FBXL7: variants seen among roughly 807,000 people sequenced by gnomAD.
The protein encoded by FBXL7 is F-box and leucine rich repeat protein 7, also known as F-box/LRR-repeat protein 7.
FBXL7 carries 12 observed loss-of-function variants against 38.3 expected under a neutral mutation model. That is an observed-to-expected ratio of 0.31 (90% CI 0.20 to 0.51). FBXL7 has a LOEUF of 0.51. Among genes scored for constraint, FBXL7 ranks in the 20% least tolerant of loss-of-function variants. FBXL7 has a pLI of 0.98. For synonymous variants in FBXL7, 297 were observed against 300.9 expected (o/e 0.99, Z 0.13); for missense variants, 567 against 676.4 (o/e 0.84, Z 1.79).
Position 15,939,030 on chromosome 5 carries a change from G to C in FBXL7, c.*1844G>C. ...TCAAACTTAGACACCCTTGACAACT[G>C]CACTCCTACTGTAGGCTCCTGTGCA... On this transcript the variant is annotated 3_prime_UTR_variant, in exon 4 of 4. Coordinates refer to ENST00000504595, the MANE Select transcript of FBXL7 (RefSeq NM_012304.5). 1 of 399,038 alleles carries C rather than the reference G, an allele frequency of 2.5e-6. No homozygotes were observed. Among genetic ancestry groups the C allele is most frequent in the Non-Finnish European group, 4.4e-6 (1 of 226,066 alleles). The allele number at this position is 399,038 out of a possible 1,614,324, so 24.7% of individuals were successfully genotyped here. A position where few individuals can be genotyped will look rare whatever the true frequency, so the allele number is the denominator to read the frequency against.
At chr5:15,871,341 G>A (rs2126825326) in intron 2 of FBXL7, among the ~76,000 whole-genome samples, 1 of 152,240 alleles carries the variant, frequency 6.6e-6, no homozygotes, top group South Asian at 2.1e-4. Flanking sequence ...ACGAAGATGA[G>A]GAAAAACCAG....
chr5:15,822,107 C>A (rs1399481330), intron 2 of FBXL7, among the ~76,000 whole-genome samples: 1 of 151,384 alleles, frequency 6.6e-6, no homozygotes, highest in African/African-American at 2.4e-5. Context: ...AATCCCAGCA[C>A]TTTGGGAGGC....
At chr5:15,913,606 C>G (rs1741502371) in intron 2 of FBXL7, among the ~76,000 whole-genome samples, 2 of 152,088 alleles carry the variant, frequency 1.3e-5, no homozygotes, top group African/African-American at 4.8e-5. Context: ...ACTATGCCAT[C>G]TATTGTAAAG....
intron 2 of FBXL7, among the ~76,000 whole-genome samples, chr5:15,781,136 G>A (rs1331729739): frequency 3.3e-5 from 5 of 152,184 alleles, no homozygotes; most frequent in African/African-American, 1.2e-4. Flanking sequence ...CAGAGGACAT[G>A]AGGATGGATT....
intron 1 of FBXL7, among the ~76,000 whole-genome samples, chr5:15,612,290 C>T (rs1580405800): frequency 6.6e-6 from 1 of 152,086 alleles, no homozygotes; most frequent in South Asian, 2.1e-4. Context: ...GAAATACTGT[C>T]ATAGGGCATA....
intron 2 of FBXL7, among the ~76,000 whole-genome samples, chr5:15,826,384 T>C (rs1738309103): frequency 6.6e-6 from 1 of 152,144 alleles, no homozygotes. Flanking sequence ...ATTCCATCTT[T>C]TAAGTACAGA....
intron 1 of FBXL7, among the ~76,000 whole-genome samples, chr5:15,585,280 T>C (rs1739267984): frequency 6.6e-6 from 1 of 152,306 alleles, no homozygotes. Context: ...TTGTAATGCA[T>C]GGTTACTCAT....
chr5:15,715,365 C>T (rs1041297039), intron 2 of FBXL7, among the ~76,000 whole-genome samples: 3 of 151,900 alleles, frequency 2.0e-5, no homozygotes, highest in South Asian at 2.1e-4. Context: ...ATGGCACGTG[C>T]CTGTAATTCC....
At position 15,924,763 on chromosome 5, in the gene FBXL7, A is replaced by C. The variant is rs1171555075; in HGVS notation, c.128-3127A>C. The stretch of plus-strand genomic sequence containing the variant: ...TGCCTCACCCTCCTGAGTAGCTGGG[A>C]TCATAGAGGTGTGCCACCACACCTG... On this transcript the variant is annotated intron_variant, in intron 2 of 3. Coordinates refer to ENST00000504595, the MANE Select transcript of FBXL7 (RefSeq NM_012304.5). Among the ~76,000 whole-genome samples the C allele has an allele frequency of 2.0e-5, 3 of 150,960 alleles. No homozygotes were observed. The East Asian group carries it at 5.9e-4, about 30-fold the overall frequency.
At chr5:15,868,142 G>A (rs1739800251) in intron 2 of FBXL7, among the ~76,000 whole-genome samples, 1 of 151,856 alleles carries the variant, frequency 6.6e-6, no homozygotes, top group African/African-American at 2.4e-5. Flanking sequence ...AAGGGACCAT[G>A]GGCCAAGGAA....
chr5:15,898,558 T>C (rs1741159534), intron 2 of FBXL7, among the ~76,000 whole-genome samples: 1 of 152,242 alleles, frequency 6.6e-6, no homozygotes, highest in Non-Finnish European at 1.5e-5. Flanking sequence ...AGGAGATTTG[T>C]GCATTGATTC....
At chr5:15,786,288 A>C (rs1336899747) in intron 2 of FBXL7, among the ~76,000 whole-genome samples, 1 of 151,398 alleles carries the variant, frequency 6.6e-6, no homozygotes, top group Non-Finnish European at 1.5e-5. Context: ...CCCTTCTTTC[A>C]TTCCTCCACA....
At chr5:15,735,816 GGATAGTGTTGA>G (rs1275979753) in intron 2 of FBXL7, among the ~76,000 whole-genome samples, 1 of 152,232 alleles carries the variant, frequency 6.6e-6, no homozygotes, top group Non-Finnish European at 1.5e-5. Flanking sequence ...TACAAGGTTG[GGATAGTGTTGA>G]GAGAAGAGAG....
chr5:15,894,412 C>T (rs754964220), intron 2 of FBXL7, among the ~76,000 whole-genome samples: 3 of 152,190 alleles, frequency 2.0e-5, no homozygotes, highest in Non-Finnish European at 4.4e-5. Context: ...AAGCTGATAA[C>T]ATTTTTATTT....
At chr5:15,854,276 G>T (rs189515794) in intron 2 of FBXL7, among the ~76,000 whole-genome samples, 105 of 152,234 alleles carry the variant, frequency 6.9e-4, no homozygotes, top group African/African-American at 2.1e-3. Context: ...CCTCATAAGT[G>T]TGTACATACG....
At chr5:15,828,880 G>C (rs1232422736) in intron 2 of FBXL7, among the ~76,000 whole-genome samples, 2 of 152,218 alleles carry the variant, frequency 1.3e-5, no homozygotes, top group Non-Finnish European at 2.9e-5. Context: ...AACAACTTCA[G>C]TGGATCTGAG....
At chr5:15,757,647 T>A (rs1736332956) in intron 2 of FBXL7, among the ~76,000 whole-genome samples, 1 of 152,156 alleles carries the variant, frequency 6.6e-6, no homozygotes, top group Non-Finnish European at 1.5e-5. Context: ...AGCTCTGTCA[T>A]CCAGTAGCTG....
At chr5:15,577,029 C>A (rs1393836467) in intron 1 of FBXL7, among the ~76,000 whole-genome samples, 1 of 152,096 alleles carries the variant, frequency 6.6e-6, no homozygotes, top group East Asian at 1.9e-4. Context: ...ATTATTTTGC[C>A]ATAAAGGCTT....
chr5:15,755,468 T>C (rs187044096), intron 2 of FBXL7, among the ~76,000 whole-genome samples: 1 of 152,306 alleles, frequency 6.6e-6, no homozygotes, highest in East Asian at 1.9e-4. Flanking sequence ...CATATACAGA[T>C]ATAAATTGTG....
Sources: gnomAD v4.1 joint callset for allele counts (sites outside exome capture counted in the v4.1 genomes callset) on GRCh38, gnomAD v4.1.1 for gene constraint, MANE v1.5 for transcripts, NCBI Gene and HGNC (gene_info 2026-07-23, HGNC 2026-07-21) for gene names.